The following SIPA1L3 variants were observed in gnomAD, a reference collection of about 807,000 sequenced individuals.
The protein encoded by SIPA1L3 is signal induced proliferation associated 1 like 3.
A neutral mutation model predicts 150.1 loss-of-function variants in SIPA1L3; 59 were observed. That is an observed-to-expected ratio of 0.39 (90% confidence interval 0.32 to 0.49). The LOEUF (loss-of-function observed/expected upper bound fraction) is 0.49, where lower values mean the gene tolerates loss of function less well. Ranked by LOEUF, SIPA1L3 falls within the 20% of genes least tolerant of loss-of-function variation. SIPA1L3 has a pLI of 0.86. For missense variants in SIPA1L3, 2,211 were observed against 2,489.5 expected, an observed-to-expected ratio of 0.89 and a Z score of 2.38; for synonymous variants, 1,070 against 1,077.6, an observed-to-expected ratio of 0.99 and a Z score of 0.14.
chr19:38,049,673 C>G (rs970762809), intron 2 of SIPA1L3, among the ~76,000 whole-genome samples: 1 of 152,158 alleles, frequency 6.6e-6, no homozygotes, highest in African/African-American at 2.4e-5. Context: ...GCCACAACAC[C>G]CAGCTAATTT....
chr19:38,002,143 A>G (rs1010409474), intron 1 of SIPA1L3, among the ~76,000 whole-genome samples: 1 of 152,204 alleles, frequency 6.6e-6, no homozygotes, highest in Non-Finnish European at 1.5e-5. Flanking sequence ...TCATCCATCC[A>G]CAGAACATTT....
At chr19:38,203,379 G>A (rs1437550275) in intron 20 of SIPA1L3, among the ~76,000 whole-genome samples, 2 of 152,204 alleles carry the variant, frequency 1.3e-5, no homozygotes, top group Non-Finnish European at 2.9e-5. Flanking sequence ...GCCAGCCCCC[G>A]ACCGCCACCG....
intron 4 of SIPA1L3, among the ~76,000 whole-genome samples, chr19:38,098,845 A>G (rs1465830855): frequency 1.3e-5 from 2 of 152,218 alleles, no homozygotes; most frequent in East Asian, 1.9e-4. Flanking sequence ...CCCTGACTGC[A>G]CATCAGAAGC....
intron 2 of SIPA1L3, among the ~76,000 whole-genome samples, chr19:38,029,595 T>C (rs2145718559): frequency 6.6e-6 from 1 of 152,314 alleles, no homozygotes; most frequent in South Asian, 2.1e-4. Context: ...TCTTTTGGTA[T>C]ATAGTTCTTT....
chr19:38,123,176 C>T (rs961456780), intron 9 of SIPA1L3, among the ~76,000 whole-genome samples: 2 of 152,162 alleles, frequency 1.3e-5, no homozygotes, highest in East Asian at 1.9e-4. Flanking sequence ...CTGATGAGGT[C>T]CTCACTTCGC....
At chr19:38,108,172 A>G (rs1600081544) in intron 7 of SIPA1L3, among the ~76,000 whole-genome samples, 1 of 151,880 alleles carries the variant, frequency 6.6e-6, no homozygotes, top group East Asian at 1.9e-4. Context: ...AGGTCCATAT[A>G]CTCCTGCGGC....
In SIPA1L3 at chr19:38,100,237, C is replaced by G. The variant is rs574453052; in HGVS notation, c.1854+87C>G. On this transcript the variant is annotated intron_variant, in intron 5 of 21. Coordinates refer to ENST00000222345, the MANE Select transcript of SIPA1L3 (RefSeq NM_015073.3). ...TAGCTTTTTCTATCTTGGTCACTTTCTTTTTTCTTTGCAAGTAACAGAAAC... is the reference window on the plus strand; with the variant it reads ...TAGCTTTTTCTATCTTGGTCACTTTGTTTTTTCTTTGCAAGTAACAGAAAC... 3.7e-6 allele frequency: 4 copies of G among 1,086,092 alleles called. No homozygotes were observed. The African/African-American group carries it at 6.6e-5, about 18-fold the overall frequency. The allele number at this position is 1,086,092 out of a possible 1,614,324, so 67.3% of individuals were successfully genotyped here. A position where few individuals can be genotyped will look rare whatever the true frequency, so the allele number is the denominator to read the frequency against.
At chr19:37,984,110 G>T (rs1467086397) in intron 1 of SIPA1L3, among the ~76,000 whole-genome samples, 1 of 152,158 alleles carries the variant, frequency 6.6e-6, no homozygotes, top group Non-Finnish European at 1.5e-5. Flanking sequence ...TTTTGCAGAT[G>T]CGCTGTCCTT....
intron 1 of SIPA1L3, among the ~76,000 whole-genome samples, chr19:38,015,350 T>C (rs752364308): frequency 1.4e-4 from 21 of 152,344 alleles, no homozygotes; most frequent in Non-Finnish European, 2.8e-4. Flanking sequence ...AAAGGAACTG[T>C]GGGTTACCGT....
chr19:38,081,437 T>G lies in SIPA1L3; in HGVS notation c.-129T>G. The G allele has an allele frequency of 1.2e-6, 1 of 842,728 alleles. No homozygotes were observed. The allele number at this position is 842,728 out of a possible 1,614,324, so 52.2% of individuals were successfully genotyped here. ...GGACTCCACAGGCTCACAACCTTCC[T>G]GTCAGGTTTCAGGGCCCAGCATCCT... On this transcript the variant is annotated 5_prime_UTR_variant, in exon 3 of 22. Transcript: ENST00000222345.
chr19:38,005,993 C>T (rs1218231532), intron 1 of SIPA1L3, among the ~76,000 whole-genome samples: 1 of 152,190 alleles, frequency 6.6e-6, no homozygotes, highest in Non-Finnish European at 1.5e-5. Context: ...GCTATGATCC[C>T]ACCACTGCAC....
At chr19:38,188,941 CCT>C (rs1972748516) in intron 16 of SIPA1L3, among the ~76,000 whole-genome samples, 1 of 151,254 alleles carries the variant, frequency 6.6e-6, no homozygotes, top group Non-Finnish European at 1.5e-5. Context: ...AAAAAGTAAG[CCT>C]CTCTCCCTTC....
At chr19:38,168,677 CTG>C (rs753344434) in intron 15 of SIPA1L3, among the ~76,000 whole-genome samples, 3 of 152,060 alleles carry the variant, frequency 2.0e-5, no homozygotes, top group Non-Finnish European at 4.4e-5. Context: ...CTGGAGTAGA[CTG>C]TGGCTGAGAT....
chr19:38,069,267 G>A (rs1298343633), intron 2 of SIPA1L3, among the ~76,000 whole-genome samples: 2 of 152,158 alleles, frequency 1.3e-5, no homozygotes, highest in Non-Finnish European at 2.9e-5. Context: ...CGAGGACAAG[G>A]CGCTCTGAAT....
At chr19:38,118,742 C>G (rs1275283217) in intron 8 of SIPA1L3, among the ~76,000 whole-genome samples, 1 of 151,990 alleles carries the variant, frequency 6.6e-6, no homozygotes, top group Non-Finnish European at 1.5e-5. Context: ...CCATATTGGT[C>G]AGGCTGGTCT....
intron 1 of SIPA1L3, among the ~76,000 whole-genome samples, chr19:37,942,619 A>G (rs1397173099): frequency 6.6e-6 from 1 of 151,950 alleles, no homozygotes; most frequent in Non-Finnish European, 1.5e-5. Context: ...CCCTCTGGCT[A>G]CGGCGTGGAG....
Position 37,907,376 on chromosome 19 carries a change from C to CA in SIPA1L3, c.-379+19dup, listed in dbSNP as rs2046342505. The CA allele has an allele frequency of 6.6e-6, 1 of 152,334 alleles. No homozygotes were observed. Among genetic ancestry groups the CA allele is most frequent in the African/African-American group, 2.4e-5 (1 of 41,466 alleles). 9.4% of individuals were successfully genotyped at this position (152,334 alleles called of 1,614,324 possible). On this transcript the variant is annotated intron_variant, in intron 1 of 21. Transcript: ENST00000222345. ...GCGTCCAGGTACGTGGCTCCGGGTG[C>CA]AGGATCGGCCTCGCGCAAGGGTGGC...
rs867899517 is a variant in SIPA1L3, at chr19:38,101,220, G to C, written c.2023G>C (p.Val675Leu). ...CACCAAGTACGCTGCCCAGCTGGAC[G>C]TCAAGAGTAAGTAGGGGGCCGGTTA... The part of the protein sequence containing the change: ...GFTKYAAQLD[V>L]KTDSTGTHSL... The change falls in exon 6 of 22, where the codon GTC becomes CTC. Residue 675 changes from valine (V) to leucine (L), a missense_variant. Around this residue, in one of 5 missense-constraint regions of SIPA1L3, gnomAD observed 625 missense variants for 804.2 expected, o/e 0.78. Coordinates refer to ENST00000222345, the MANE Select transcript of SIPA1L3 (RefSeq NM_015073.3). 1 of 1,559,226 alleles carries C rather than the reference G, an allele frequency of 6.4e-7. No individual in the cohort carries two copies. Among genetic ancestry groups the C allele is most frequent in the Non-Finnish European group, 8.7e-7 (1 of 1,150,800 alleles).
chr19:38,146,362 A>G (rs761935618), intron 12 of SIPA1L3, among the ~76,000 whole-genome samples: 39 of 152,242 alleles, frequency 2.6e-4, no homozygotes, highest in Non-Finnish European at 4.7e-4. Context: ...CCATCAAAAG[A>G]CATTTGGGGG....
Sources: gnomAD v4.1 joint callset for allele counts (sites outside exome capture counted in the v4.1 genomes callset) on GRCh38, gnomAD v4.1.1 for gene constraint, gnomAD v4.1.1 regional missense constraint, MANE v1.5 for transcripts, NCBI Gene and HGNC (gene_info 2026-07-23, HGNC 2026-07-21) for gene names.